CDH13: variants seen among roughly 807,000 people sequenced by gnomAD.
CDH13 encodes cadherin 13, also known as cadherin-13.
In CDH13, 24 loss-of-function variants were observed where a neutral mutation model predicts 63.8. The observed-to-expected ratio is 0.38, with a 90% CI of 0.27 to 0.53. The LOEUF (loss-of-function observed/expected upper bound fraction) is 0.53, where lower values mean the gene tolerates loss of function less well. Among genes scored for constraint, CDH13 ranks in the 20% least tolerant of loss-of-function variants. CDH13 has a pLI of 0.85. For missense variants in CDH13, 1,049 were observed against 903.1 expected (o/e 1.16, Z -2.07); for synonymous variants, 503 against 355.3 (o/e 1.42, Z -4.67).
At chr16:83,285,161 C>T (rs541900492) in intron 5 of CDH13, among the ~76,000 whole-genome samples, 1 of 152,116 alleles carries the variant, frequency 6.6e-6, no homozygotes, top group African/African-American at 2.4e-5. Context: ...CCTGTAGATT[C>T]TTGGCAAGAG....
At chr16:82,653,319 C>T (rs1910942974) in intron 1 of CDH13, among the ~76,000 whole-genome samples, 1 of 152,060 alleles carries the variant, frequency 6.6e-6, no homozygotes, top group African/African-American at 2.4e-5. Flanking sequence ...TTTGTAGTGC[C>T]TTAGTGTATT....
At chr16:83,227,384 C>G (rs947392736) in intron 5 of CDH13, among the ~76,000 whole-genome samples, 2 of 152,120 alleles carry the variant, frequency 1.3e-5, no homozygotes, top group African/African-American at 2.4e-5. Context: ...ATCAGGGGGC[C>G]CTTGTGAAGC....
At chr16:83,616,491 G>T (rs185821367) in intron 8 of CDH13, among the ~76,000 whole-genome samples, 2 of 151,960 alleles carry the variant, frequency 1.3e-5, no homozygotes, top group African/African-American at 4.8e-5. Context: ...ACTATAGCTG[G>T]CAGAGTCTTA....
intron 6 of CDH13, among the ~76,000 whole-genome samples, chr16:83,413,709 A>G (rs538939097): frequency 2.0e-5 from 3 of 152,232 alleles, no homozygotes; most frequent in African/African-American, 7.2e-5. Context: ...TGCTGTCTGC[A>G]GTGCACGGTG....
At chr16:83,204,684 T>C (rs996155495) in intron 4 of CDH13, among the ~76,000 whole-genome samples, 4 of 152,154 alleles carry the variant, frequency 2.6e-5, no homozygotes, top group African/African-American at 9.7e-5. Context: ...TTAATCAGGA[T>C]AGGTTAGGCT....
chr16:82,840,773 T>G (rs1414847820), intron 1 of CDH13, among the ~76,000 whole-genome samples: 3 of 151,872 alleles, frequency 2.0e-5, no homozygotes, highest in Admixed American at 6.6e-5. Flanking sequence ...ATATGGAAGC[T>G]GCTTTAAGGA....
intron 4 of CDH13, among the ~76,000 whole-genome samples, chr16:83,179,240 G>C (rs2038248227): frequency 6.6e-6 from 1 of 152,052 alleles, no homozygotes; most frequent in Non-Finnish European, 1.5e-5. Context: ...TTTCCCAGAA[G>C]ACCACAGAAC....
Position 83,779,963 on chromosome 16 carries a change from C to A in CDH13, c.1682-5C>A. 6.3e-7 allele frequency: 1 copy of A among 1,596,834 alleles called. No homozygotes were observed. On this transcript the variant is annotated splice_polypyrimidine_tract_variant and splice_region_variant and intron_variant, in intron 11 of 13. Coordinates refer to ENST00000567109, the MANE Select transcript of CDH13 (RefSeq NM_001257.5). ...GCATACCAACATCTTCCCTTTTTCCCACAGGCAACCCTCCCGCTACGGGCA... is the reference window on the plus strand; with the variant it reads ...GCATACCAACATCTTCCCTTTTTCCAACAGGCAACCCTCCCGCTACGGGCA...
intron 1 of CDH13, among the ~76,000 whole-genome samples, chr16:82,788,120 G>A (rs1218870479): frequency 6.6e-6 from 1 of 152,144 alleles, no homozygotes; most frequent in East Asian, 1.9e-4. Flanking sequence ...AACATGAAAT[G>A]TGTGTCCAAG....
At chr16:82,962,102 C>G (rs781624462) in intron 2 of CDH13, among the ~76,000 whole-genome samples, 3 of 152,176 alleles carry the variant, frequency 2.0e-5, no homozygotes, top group Admixed American at 6.5e-5. Context: ...GCTTATTTGG[C>G]AAAAGAGTCT....
At chr16:83,447,648 A>G (rs2072750935) in intron 6 of CDH13, among the ~76,000 whole-genome samples, 1 of 152,096 alleles carries the variant, frequency 6.6e-6, no homozygotes. Context: ...GGATCCTGAA[A>G]TAAACCAAGT....
At chr16:83,073,232 G>A (rs958487905) in intron 3 of CDH13, among the ~76,000 whole-genome samples, 2 of 151,978 alleles carry the variant, frequency 1.3e-5, no homozygotes, top group Admixed American at 6.6e-5. Flanking sequence ...GAGCTTGCAC[G>A]AAATCACTGT....
At chr16:83,021,933 C>G (rs1368238812) in intron 2 of CDH13, among the ~76,000 whole-genome samples, 1 of 152,094 alleles carries the variant, frequency 6.6e-6, no homozygotes, top group Non-Finnish European at 1.5e-5. Context: ...GGATCTGACC[C>G]AATGTGGGTG....
intron 5 of CDH13, among the ~76,000 whole-genome samples, chr16:83,273,712 CTG>C (rs1263745398): frequency 6.6e-6 from 1 of 152,172 alleles, no homozygotes; most frequent in Non-Finnish European, 1.5e-5. Context: ...AAGTTAACTA[CTG>C]TTTGTTGATC....
chr16:83,336,970 C>T (rs207476227), intron 5 of CDH13, among the ~76,000 whole-genome samples: 2 of 152,124 alleles, frequency 1.3e-5, no homozygotes, highest in African/African-American at 2.4e-5. Context: ...CAAATTTTGT[C>T]GGACTAAATT....
At chr16:83,580,116 C>T (rs560137104) in intron 7 of CDH13, among the ~76,000 whole-genome samples, 1 of 152,030 alleles carries the variant, frequency 6.6e-6, no homozygotes, top group African/African-American at 2.4e-5. Context: ...CTCCAAGGGC[C>T]TATGGTGCTG....
At chr16:83,360,449 C>T (rs1480274370) in intron 6 of CDH13, among the ~76,000 whole-genome samples, 2 of 151,716 alleles carry the variant, frequency 1.3e-5, no homozygotes, top group African/African-American at 4.8e-5. Flanking sequence ...TATTTTTTAT[C>T]TGCTTTTTCT....
chr16:83,296,070 T>A (rs2089589807), intron 5 of CDH13, among the ~76,000 whole-genome samples: 1 of 152,214 alleles, frequency 6.6e-6, no homozygotes, highest in Non-Finnish European at 1.5e-5. Flanking sequence ...TATAAGCTCC[T>A]ATGTACAGAT....
chr16:82,937,384 C>T (rs1432075589), intron 2 of CDH13, among the ~76,000 whole-genome samples: 1 of 152,048 alleles, frequency 6.6e-6, no homozygotes, highest in African/African-American at 2.4e-5. Context: ...CTCTGTCCCT[C>T]TGTGTCTCTC....
Sources: gnomAD v4.1 joint callset for allele counts (sites outside exome capture counted in the v4.1 genomes callset) on GRCh38, gnomAD v4.1.1 for gene constraint, MANE v1.5 for transcripts, NCBI Gene and HGNC (gene_info 2026-07-23, HGNC 2026-07-21) for gene names.